Variants in EML1 observed in about 807,000 individuals in gnomAD.
EML1 encodes the protein EMAP like 1.
EML1 carries 27 observed loss-of-function variants against 110.4 expected under a neutral mutation model. The observed-to-expected ratio is 0.24, with a 90% confidence interval of 0.18 to 0.34. EML1 has a LOEUF of 0.34. EML1 is among the 10% of genes least tolerant of loss of function. EML1 has a pLI of 1.00. For synonymous variants in EML1, 344 were observed against 385.8 expected (o/e 0.89, Z 1.27); for missense variants, 741 against 1,030.9 (o/e 0.72, Z 3.85).
At chr14:99,742,848 TG>T (rs2057059191) in intron 1 of EML1, among the ~76,000 whole-genome samples, 5 of 152,280 alleles carry the variant, frequency 3.3e-5, no homozygotes, top group Middle Eastern at 3.4e-3. Context: ...TTGGACGGGA[TG>T]ACTCCTTTTA....
intron 1 of EML1, among the ~76,000 whole-genome samples, chr14:99,800,981 G>C (rs1319548753): frequency 6.6e-6 from 1 of 152,222 alleles, no homozygotes; most frequent in East Asian, 1.9e-4. Context: ...AGGCCCTGCT[G>C]TCAGAGGGAG....
At chr14:99,815,436 C>G (rs996201090) in intron 1 of EML1, among the ~76,000 whole-genome samples, 1 of 151,984 alleles carries the variant, frequency 6.6e-6, no homozygotes, top group Non-Finnish European at 1.5e-5. Flanking sequence ...CCACTGCGCC[C>G]TGCTGAGGCT....
At chr14:99,917,131 A>G (rs2060047069) in intron 15 of EML1, among the ~76,000 whole-genome samples, 1 of 152,294 alleles carries the variant, frequency 6.6e-6, no homozygotes, top group Non-Finnish European at 1.5e-5. Flanking sequence ...CACACTATTC[A>G]GTGAGCTTAC....
intron 1 of EML1, among the ~76,000 whole-genome samples, chr14:99,765,360 G>A (rs140528153): frequency 6.6e-6 from 1 of 152,074 alleles, no homozygotes; most frequent in African/African-American, 2.4e-5. Flanking sequence ...GAAACTCTGT[G>A]CCCACTGAAC....
chr14:99,794,682 C>T (rs2057737751), intron 1 of EML1, among the ~76,000 whole-genome samples: 1 of 152,172 alleles, frequency 6.6e-6, no homozygotes, highest in Admixed American at 6.5e-5. Context: ...TACTTTACAT[C>T]TGAACCATTT....
At chr14:99,849,531 A>G (rs11160551) in intron 1 of EML1, among the ~76,000 whole-genome samples, 60,576 of 111,354 alleles carry the variant, frequency 0.54, 12,274 homozygotes, top group African/African-American at 0.58. Flanking sequence ...GTGTGTGTGT[A>G]TATATATTTA....
rs1387913626 is a variant in EML1 at position 99,905,846 on chromosome 14, G to C, written c.1009-1792G>C. On this transcript the variant is annotated intron_variant, in intron 9 of 21. Coordinates refer to ENST00000262233, the MANE Select transcript of EML1 (RefSeq NM_004434.3). The surrounding 1 kb of genome is among the most constrained non-coding windows in gnomAD (Gnocchi z 4.1). Reference sequence around the variant, plus strand: ...GTCTAGCGTCCTTGCCTTTTATTAAGAGGGGCCTTTAACCCACTCTGTCTT... The same window carrying C: ...GTCTAGCGTCCTTGCCTTTTATTAACAGGGGCCTTTAACCCACTCTGTCTT... Among the ~76,000 whole-genome samples, 1 of 152,106 alleles carries C rather than the reference G, an allele frequency of 6.6e-6. No individual in the cohort carries two copies. The highest frequency in any genetic ancestry group is 6.5e-5 in the Admixed American group (1 of 15,270).
intron 1 of EML1, among the ~76,000 whole-genome samples, chr14:99,740,535 C>T (rs371290134): frequency 6.6e-6 from 1 of 152,152 alleles, no homozygotes; most frequent in Admixed American, 6.5e-5. Context: ...AGGAGGTGGC[C>T]GGCCCCTGGA....
chr14:99,856,284 A>G (rs542894436), intron 2 of EML1, among the ~76,000 whole-genome samples: 1 of 152,172 alleles, frequency 6.6e-6, no homozygotes, highest in South Asian at 2.1e-4. Context: ...TTCACATTAA[A>G]CCAAATATTT....
intron 1 of EML1, among the ~76,000 whole-genome samples, chr14:99,762,794 T>A (rs1488925752): frequency 6.6e-6 from 1 of 152,174 alleles, no homozygotes; most frequent in East Asian, 1.9e-4. Context: ...AGTGAAACAC[T>A]GTCTAAAAGT....
intron 1 of EML1, among the ~76,000 whole-genome samples, chr14:99,809,262 T>C (rs1376437776): frequency 2.6e-5 from 4 of 152,270 alleles, no homozygotes; most frequent in Non-Finnish European, 4.4e-5. Context: ...CCCTATCTGC[T>C]TAAATATCAT....
intron 1 of EML1, among the ~76,000 whole-genome samples, chr14:99,824,988 A>G (rs1390309705): frequency 2.6e-5 from 4 of 152,008 alleles, no homozygotes; most frequent in African/African-American, 9.7e-5. Context: ...TTCCAGGGTC[A>G]TTTTTATTTT....
At position 99,781,966 on chromosome 14, in the gene EML1, C is replaced by T. The variant is rs541286391; in HGVS notation, c.-27+7953C>T. 1.3e-5 allele frequency among the ~76,000 whole-genome samples: 2 copies of T among 152,300 alleles called. No individual in the cohort carries two copies. The highest frequency in any genetic ancestry group is 4.2e-4 in the South Asian group (2 of 4,818). ...CCCATGTGTCTGTCGGTCCCAAACCCAAGCAACAAATACTTTCCAAATATG... is the reference window on the plus strand; with the variant it reads ...CCCATGTGTCTGTCGGTCCCAAACCTAAGCAACAAATACTTTCCAAATATG... On this transcript the variant is annotated intron_variant, in intron 1 of 22. Coordinates refer to the EML1 transcript ENST00000327921. The surrounding 1 kb of genome is among the most constrained non-coding windows in gnomAD (Gnocchi z 4.2).
In EML1 at chr14:99,793,637, C is replaced by T. The variant is rs903802011; in HGVS notation, c.67+94C>T. The T allele has an allele frequency of 3.8e-5, 35 of 914,592 alleles. No homozygotes were observed. The Admixed American group carries it at 1.8e-3, about 48-fold the overall frequency. 56.7% of individuals were successfully genotyped at this position (914,592 alleles called of 1,614,324 possible). ...GGGACCAAGCCGAGGGGCCGAGGCC[C>T]GGCGGCCGCGGGCGAGGCCGCGCAA... On this transcript the variant is annotated intron_variant, in intron 1 of 21. Coordinates refer to ENST00000262233, the MANE Select transcript of EML1 (RefSeq NM_004434.3).
intron 5 of EML1, among the ~76,000 whole-genome samples, chr14:99,891,462 G>A (rs540261503): frequency 5.4e-4 from 83 of 152,296 alleles, no homozygotes; most frequent in Non-Finnish European, 9.6e-4. Context: ...CAAAACCAAC[G>A]TAAGACATGC....
intron 1 of EML1, among the ~76,000 whole-genome samples, chr14:99,747,051 C>T (rs1385946170): frequency 6.6e-6 from 1 of 152,002 alleles, no homozygotes. Context: ...AAAACAACCA[C>T]CACCCGGGCA....
chr14:99,778,466 C>T (rs114542074), intron 1 of EML1, among the ~76,000 whole-genome samples: 1,885 of 152,152 alleles, frequency 0.012, 42 homozygotes, highest in African/African-American at 0.043. Context: ...GGCATTTCTC[C>T]GGAGCCTCTG....
At chr14:99,903,685 C>T (rs1258325488) in intron 9 of EML1, among the ~76,000 whole-genome samples, 1 of 152,146 alleles carries the variant, frequency 6.6e-6, no homozygotes, top group Non-Finnish European at 1.5e-5. Flanking sequence ...GACAATGCTT[C>T]CTGTATGACT....
chr14:99,791,798 C>T (rs1004974350), upstream of EML1, among the ~76,000 whole-genome samples: 6 of 152,210 alleles, frequency 3.9e-5, no homozygotes, highest in African/African-American at 1.4e-4. Flanking sequence ...CTCCATCTCC[C>T]CCCAAGTCTG....
Sources: allele counts gnomAD v4.1 joint callset (sites outside exome capture counted in the v4.1 genomes callset), GRCh38; gene constraint gnomAD v4.1.1; non-coding constraint Gnocchi (gnomAD v3.1); transcripts MANE v1.5; gene names NCBI Gene and HGNC (gene_info 2026-07-23, HGNC 2026-07-21).